Variants in ACOXL observed in about 807,000 individuals in gnomAD.
The protein encoded by ACOXL is acyl-coenzyme A oxidase-like protein.
ACOXL carries 70 observed loss-of-function variants against 71.9 expected under a neutral mutation model. The ratio of observed to expected loss-of-function variants is 0.97; its 90% CI spans 0.80 to 1.19. ACOXL has a LOEUF of 1.19. ACOXL is among the 50% of genes most tolerant of loss of function. ACOXL has a pLI of 0.00. For synonymous variants in ACOXL, 253 were observed against 281.6 expected, an observed-to-expected ratio of 0.90 and a Z score of 1.02; for missense variants, 703 against 736.3, an observed-to-expected ratio of 0.95 and a Z score of 0.52.
intron 11 of ACOXL, among the ~76,000 whole-genome samples, chr2:110,931,378 A>T (rs1035639194): frequency 2.0e-5 from 3 of 152,146 alleles, no homozygotes; most frequent in Admixed American, 6.5e-5. Flanking sequence ...GTGATTGGAG[A>T]GATCAATGGG....
In ACOXL at chr2:110,794,087, C is replaced by G; in HGVS notation, c.258C>G (p.Tyr86Ter). 6.2e-7 allele frequency: 1 copy of G among 1,614,150 alleles called. No individual in the cohort carries two copies. The highest frequency in any genetic ancestry group is 8.5e-7 in the Non-Finnish European group (1 of 1,180,010). The change falls in exon 5 of 18, where the codon TAC becomes TAG. Residue 86 changes from tyrosine (Y) to a stop codon, truncating the protein, a stop_gained. Transcript: ENST00000439055. LOFTEE classifies it high-confidence loss of function. ...CTGGTAAACTCCAGGAGCAGAAATA[C>G]ACTGGGATGTTTGCAATGACCGAGA... is the stretch of plus-strand genomic sequence containing the variant. ...KWFQPLQEQK[Y>*]TGMFAMTERG...
intron 16 of ACOXL, among the ~76,000 whole-genome samples, chr2:111,054,117 A>G (rs1223420011): frequency 6.6e-6 from 1 of 152,226 alleles, no homozygotes; most frequent in East Asian, 1.9e-4. Context: ...ACCTGGCTAG[A>G]AGCACCATGG....
chr2:111,054,876 T>A (rs2066457841), intron 16 of ACOXL, among the ~76,000 whole-genome samples: 1 of 151,754 alleles, frequency 6.6e-6, no homozygotes. Context: ...AGAATGAGGG[T>A]TTTCACAAGA....
chr2:110,755,932 A>T (rs1679626419), intron 1 of ACOXL, among the ~76,000 whole-genome samples: 1 of 152,198 alleles, frequency 6.6e-6, no homozygotes, highest in South Asian at 2.1e-4. Flanking sequence ...ACATGCAAGC[A>T]ATATGTGTAT....
intron 5 of ACOXL, chr2:110,796,028 C>T (rs572887835): frequency 6.6e-6 from 1 of 151,804 alleles, no homozygotes; most frequent in South Asian, 2.1e-4. Flanking sequence ...GGAGAGAGAA[C>T]AATCCCATCA....
chr2:111,074,152 T>C (rs1162999358), intron 16 of ACOXL, among the ~76,000 whole-genome samples: 1 of 151,372 alleles, frequency 6.6e-6, no homozygotes, highest in Admixed American at 6.6e-5. Flanking sequence ...TCGGGGGACA[T>C]TTACTGTGTG....
Position 111,117,730 on chromosome 2 carries a change from G to A in ACOXL, c.1657G>A (p.Ala553Thr), listed in dbSNP as rs1043142810. The A allele has an allele frequency of 1.3e-5, 20 of 1,551,544 alleles. No individual in the cohort carries two copies. The African/African-American group carries it at 2.7e-4, about 21-fold the overall frequency. The change falls in exon 18 of 18, where the codon GCG (alanine) becomes ACG (threonine). Residue 553 changes from alanine to threonine, a missense_variant. Physicochemically the swap from Ala to Thr is moderately conservative, Grantham distance 58 (BLOSUM62 0). Coordinates refer to ENST00000439055, the MANE Select transcript of ACOXL (RefSeq NM_001142807.4). ...CGCCGGAATCTCCAACCCGCGGGCC[G>A]CGTGGGCTTTCTACCCTGCACCGCT... ...PIAGISNPRA[A>T]WAFYPAPLQP...
intron 12 of ACOXL, among the ~76,000 whole-genome samples, chr2:110,972,111 A>ACGTGGGAGCAC (rs1173150063): frequency 6.6e-6 from 1 of 152,180 alleles, no homozygotes; most frequent in Non-Finnish European, 1.5e-5. Context: ...TTTATCACAT[A>ACGTGGGAGCAC]CGTGGGAGCA....
chr2:110,957,544 T>C (rs1306762976), intron 12 of ACOXL, among the ~76,000 whole-genome samples: 2 of 152,336 alleles, frequency 1.3e-5, no homozygotes, highest in East Asian at 3.9e-4. Context: ...TGGTCTCTTC[T>C]GAGGCTCTCA....
chr2:110,859,107 C>T (rs949486828), intron 10 of ACOXL, among the ~76,000 whole-genome samples: 2 of 152,180 alleles, frequency 1.3e-5, no homozygotes, highest in African/African-American at 4.8e-5. Flanking sequence ...TTTTATCTGC[C>T]TGGGCTTTGT....
intron 16 of ACOXL, among the ~76,000 whole-genome samples, chr2:111,072,371 C>G (rs961588375): frequency 7.2e-5 from 11 of 152,168 alleles, no homozygotes; most frequent in African/African-American, 2.7e-4. Context: ...ACTTCATTCA[C>G]TCCGCATGAT....
At chr2:111,105,387 G>A (rs1305754635) in intron 17 of ACOXL, among the ~76,000 whole-genome samples, 1 of 151,822 alleles carries the variant, frequency 6.6e-6, no homozygotes, top group East Asian at 1.9e-4. Context: ...GATTTTGATA[G>A]GTATTGCATT....
At chr2:111,072,736 T>C (rs1227009354) in intron 16 of ACOXL, among the ~76,000 whole-genome samples, 2 of 152,224 alleles carry the variant, frequency 1.3e-5, no homozygotes, top group Non-Finnish European at 1.5e-5. Context: ...ACTCTGCCAA[T>C]TGTGGCAATC....
At chr2:111,013,328 C>T (rs914627683) in intron 14 of ACOXL, among the ~76,000 whole-genome samples, 4 of 151,672 alleles carry the variant, frequency 2.6e-5, no homozygotes, top group Admixed American at 2.0e-4. Flanking sequence ...AGTTTGAGAC[C>T]AGCTGACCAA....
chr2:110,976,074 G>T (rs1042606387), intron 12 of ACOXL, among the ~76,000 whole-genome samples: 1 of 152,130 alleles, frequency 6.6e-6, no homozygotes, highest in Non-Finnish European at 1.5e-5. Context: ...GGGACCCATT[G>T]GAAGAGATTA....
At chr2:111,063,499 T>C (rs919000289) in intron 16 of ACOXL, among the ~76,000 whole-genome samples, 1 of 152,118 alleles carries the variant, frequency 6.6e-6, no homozygotes, top group Admixed American at 6.5e-5. Context: ...ATTCTTCATA[T>C]TAACAGGAAA....
At chr2:111,059,458 T>C (rs993469575) in intron 16 of ACOXL, among the ~76,000 whole-genome samples, 1 of 152,216 alleles carries the variant, frequency 6.6e-6, no homozygotes, top group African/African-American at 2.4e-5. Flanking sequence ...TGGAAGGCTC[T>C]CAGATTGGAT....
rs778228650 is a variant in ACOXL at position 110,798,996 on chromosome 2, T to A, written c.461-18T>A. ...TATAGGAAGGAGAGCTTAATAATGA[T>A]CTCGATGCCTTCCTTAGGGCCCCAC... On this transcript the variant is annotated intron_variant, in intron 6 of 17. Transcript: ENST00000439055. 6 of 1,612,772 alleles carry A rather than the reference T, an allele frequency of 3.7e-6. No homozygotes were observed. The East Asian group carries it at 1.3e-4, about 36-fold the overall frequency.
rs2066945297 is a variant in ACOXL, at chr2:111,064,236, A to G, written c.1440+14948A>G. Among the ~76,000 whole-genome samples, 3 of 152,262 alleles carry G rather than the reference A, an allele frequency of 2.0e-5. No homozygotes were observed. In the South Asian group the frequency reaches 6.2e-4, roughly 32 times the overall value. ...TGGATCACGAGGTCAGGAGATCGAG[A>G]CCATCCTGGCTAACACAGTGAAACC... On this transcript the variant is annotated intron_variant, in intron 16 of 17. Coordinates refer to ENST00000439055, the MANE Select transcript of ACOXL (RefSeq NM_001142807.4).
Sources: gnomAD v4.1 joint callset for allele counts (sites outside exome capture counted in the v4.1 genomes callset) on GRCh38, gnomAD v4.1.1 for gene constraint, MANE v1.5 for transcripts, NCBI Gene and HGNC (gene_info 2026-07-23, HGNC 2026-07-21) for gene names.